The following KLHL1 variants were observed in gnomAD, a reference collection of about 807,000 sequenced individuals.
The protein encoded by KLHL1 is kelch-like protein 1.
A neutral mutation model predicts 77.7 loss-of-function variants in KLHL1; 47 were observed. The ratio of observed to expected loss-of-function variants is 0.60; its 90% CI spans 0.48 to 0.77. The LOEUF (loss-of-function observed/expected upper bound fraction) is 0.77. Ranked by LOEUF, KLHL1 falls within the 30% of genes least tolerant of loss-of-function variation. The pLI is 0.00. For missense variants in KLHL1, 925 were observed against 910.8 expected, an observed-to-expected ratio of 1.02 and a Z score of -0.20; for synonymous variants, 360 against 325.2, an observed-to-expected ratio of 1.11 and a Z score of -1.15.
At position 69,989,535 on chromosome 13, in the gene KLHL1, A is replaced by G. The variant is rs548859132; in HGVS notation, c.498-13733T>C. Among the ~76,000 whole-genome samples the G allele has an allele frequency of 5.3e-5, 8 of 152,114 alleles. No individual in the cohort carries two copies. In the South Asian group the frequency reaches 1.7e-3, roughly 32 times the overall value. On this transcript the variant is annotated intron_variant, in intron 1 of 10. Transcript: ENST00000377844. ...GTTTGATGGGAATAGCATTGAATCT[A>G]TAAATTGCTTTGGGCAGTATGGCCT...
chr13:69,956,078 ATATAT>A (rs1883871618), intron 3 of KLHL1, among the ~76,000 whole-genome samples: 2 of 138,608 alleles, frequency 1.4e-5, no homozygotes, highest in African/African-American at 5.3e-5. Context: ...TATTTGATAT[ATATAT>A]TTTTATATAT....
At chr13:70,042,976 G>A (rs1451972447) in intron 1 of KLHL1, among the ~76,000 whole-genome samples, 2 of 152,152 alleles carry the variant, frequency 1.3e-5, no homozygotes, top group African/African-American at 2.4e-5. Flanking sequence ...CATAATCCCA[G>A]CTCACTGCAA....
At chr13:69,810,647 A>C (rs1209876262) in intron 6 of KLHL1, among the ~76,000 whole-genome samples, 1 of 151,990 alleles carries the variant, frequency 6.6e-6, no homozygotes, top group Admixed American at 6.5e-5. Context: ...AGAACAAACT[A>C]AACAAAGCTA....
chr13:69,987,578 G>A (rs1271941490), intron 1 of KLHL1, among the ~76,000 whole-genome samples: 1 of 151,916 alleles, frequency 6.6e-6, no homozygotes, highest in Non-Finnish European at 1.5e-5. Flanking sequence ...GGGAATGAGG[G>A]AAGGAGGGAC....
At chr13:69,721,080 AAGC>A (rs1873036581) in intron 8 of KLHL1, among the ~76,000 whole-genome samples, 1 of 21,766 alleles carries the variant, frequency 4.6e-5, no homozygotes, top group African/African-American at 9.8e-5. Context: ...TATATATATA[AAGC>A]TATGTACCTC....
At chr13:69,973,594 A>G (rs1464598227) in intron 2 of KLHL1, among the ~76,000 whole-genome samples, 2 of 151,864 alleles carry the variant, frequency 1.3e-5, no homozygotes, top group Non-Finnish European at 2.9e-5. Flanking sequence ...AAAATGTATT[A>G]GTTTATTACT....
At chr13:69,827,555 C>A (rs59334541) in intron 6 of KLHL1, among the ~76,000 whole-genome samples, 12,271 of 151,616 alleles carry the variant, frequency 0.081, 939 homozygotes, top group African/African-American at 0.2. Flanking sequence ...CATGGTGAAA[C>A]CCCGTCTCTA....
At chr13:70,022,705 G>A (rs1885836203) in intron 1 of KLHL1, among the ~76,000 whole-genome samples, 1 of 151,858 alleles carries the variant, frequency 6.6e-6, no homozygotes. Context: ...GGTGAGGTTG[G>A]ATGAATTTAG....
intron 4 of KLHL1, among the ~76,000 whole-genome samples, chr13:69,908,276 G>A (rs983806678): frequency 1.3e-4 from 19 of 151,594 alleles, no homozygotes; most frequent in Admixed American, 6.6e-5. Flanking sequence ...GAGAGTAGCC[G>A]AGGAAAAACA....
At chr13:69,859,786 A>C (rs1372040187) in intron 5 of KLHL1, among the ~76,000 whole-genome samples, 1 of 152,128 alleles carries the variant, frequency 6.6e-6, no homozygotes, top group African/African-American at 2.4e-5. Flanking sequence ...AGTAAATATG[A>C]CCAATAAAAC....
Position 69,882,464 on chromosome 13 carries a change from T to C in KLHL1, c.1046A>G (p.Glu349Gly). ...ENIMEVIRNQ[E>G]FLLLPAEELH... ...CTCCTCAGCTGGAAGGAGTAAAAAC[T>C]CTTGATTTCTGATAACTTCCATTAT... The change falls in exon 5 of 11, where the codon GAG becomes GGG. Residue 349 changes from glutamate to glycine, a missense_variant. Coordinates refer to ENST00000377844, the MANE Select transcript of KLHL1 (RefSeq NM_020866.3). 1.9e-6 allele frequency: 3 copies of C among 1,613,430 alleles called. No homozygotes were observed. Among genetic ancestry groups the C allele is most frequent in the Non-Finnish European group, 2.5e-6 (3 of 1,179,410 alleles).
intron 7 of KLHL1, among the ~76,000 whole-genome samples, chr13:69,790,701 T>C (rs1876830472): frequency 6.6e-6 from 1 of 152,188 alleles, no homozygotes; most frequent in African/African-American, 2.4e-5. Context: ...AAAAATCACA[T>C]GCATATTTCA....
At chr13:70,025,354 T>A (rs935319940) in intron 1 of KLHL1, among the ~76,000 whole-genome samples, 1 of 152,048 alleles carries the variant, frequency 6.6e-6, no homozygotes, top group African/African-American at 2.4e-5. Flanking sequence ...GTGGAATTAT[T>A]TTATGCATCA....
chr13:69,857,866 A>C (rs1879982744), intron 5 of KLHL1, among the ~76,000 whole-genome samples: 1 of 151,556 alleles, frequency 6.6e-6, no homozygotes, highest in South Asian at 2.1e-4. Flanking sequence ...TATATATATA[A>C]TGAAATTCAT....
chr13:70,087,960 A>G (rs1887585737), intron 1 of KLHL1, among the ~76,000 whole-genome samples: 1 of 152,062 alleles, frequency 6.6e-6, no homozygotes, highest in Non-Finnish European at 1.5e-5. Flanking sequence ...ATAAATAGCT[A>G]ATGCATGTGG....
chr13:70,052,599 T>C (rs1209604652), intron 1 of KLHL1, among the ~76,000 whole-genome samples: 1 of 151,938 alleles, frequency 6.6e-6, no homozygotes, highest in African/African-American at 2.4e-5. Flanking sequence ...ATATTTTGAA[T>C]AGCTAATTTT....
chr13:70,015,819 T>C (rs1885643089), intron 1 of KLHL1, among the ~76,000 whole-genome samples: 7 of 152,188 alleles, frequency 4.6e-5, no homozygotes, highest in Admixed American at 4.6e-4. Context: ...TATGTCAAGG[T>C]ATATCTGTAC....
intron 1 of KLHL1, among the ~76,000 whole-genome samples, chr13:70,036,224 G>T (rs547245455): frequency 6.6e-6 from 1 of 151,766 alleles, no homozygotes; most frequent in East Asian, 1.9e-4. Context: ...ATTGCTGCTA[G>T]GGTTACTAGT....
chr13:70,103,903 G>C (rs1887984872), intron 1 of KLHL1, among the ~76,000 whole-genome samples: 1 of 152,066 alleles, frequency 6.6e-6, no homozygotes, highest in African/African-American at 2.4e-5. Context: ...TTCAGGAGAG[G>C]GGAGGGCTAG....
Sources: allele counts gnomAD v4.1 joint callset (sites outside exome capture counted in the v4.1 genomes callset), GRCh38; gene constraint gnomAD v4.1.1; transcripts MANE v1.5; gene names NCBI Gene and HGNC (gene_info 2026-07-23, HGNC 2026-07-21).